CLSTN2: variants seen among roughly 807,000 people sequenced by gnomAD.
CLSTN2 encodes the protein calsyntenin-2.
Under a neutral mutation model 101.2 loss-of-function variants are expected in CLSTN2, and 48 were observed. The ratio of observed to expected loss-of-function variants is 0.47; its 90% confidence interval spans 0.38 to 0.60. CLSTN2 has a LOEUF of 0.60. Among genes scored for constraint, CLSTN2 ranks in the 20% least tolerant of loss-of-function variants. The probability of loss-of-function intolerance (pLI) is 0.00; values close to 1 mark genes in which losing one functional copy is unlikely to be tolerated. For missense variants in CLSTN2, 1,160 were observed against 1,238.2 expected, an observed-to-expected ratio of 0.94 and a Z score of 0.95; for synonymous variants, 481 against 463.6, an observed-to-expected ratio of 1.04 and a Z score of -0.48.
At chr3:140,296,048 T>C (rs1472678454) in intron 2 of CLSTN2, among the ~76,000 whole-genome samples, 2 of 152,228 alleles carry the variant, frequency 1.3e-5, no homozygotes, top group Non-Finnish European at 2.9e-5. Flanking sequence ...ATTTACAATA[T>C]GGCCTTTATA....
At chr3:140,109,377 G>A (rs1432901323) in intron 1 of CLSTN2, among the ~76,000 whole-genome samples, 4 of 152,170 alleles carry the variant, frequency 2.6e-5, no homozygotes, top group Non-Finnish European at 5.9e-5. Context: ...GAGAGACTGT[G>A]TGACTCAACC....
chr3:140,174,444 A>T (rs2010289857), intron 1 of CLSTN2, among the ~76,000 whole-genome samples: 1 of 151,998 alleles, frequency 6.6e-6, no homozygotes, highest in African/African-American at 2.4e-5. Context: ...AACTGTTCCA[A>T]CCTCTGCCTG....
chr3:140,039,277 T>C (rs1432064637), intron 1 of CLSTN2, among the ~76,000 whole-genome samples: 1 of 152,220 alleles, frequency 6.6e-6, no homozygotes, highest in African/African-American at 2.4e-5. Context: ...GTGAAATTTC[T>C]GGGTCCAGGG....
chr3:140,278,747 G>T (rs566241364), intron 2 of CLSTN2, among the ~76,000 whole-genome samples: 6 of 152,162 alleles, frequency 3.9e-5, no homozygotes, highest in Non-Finnish European at 5.9e-5. Context: ...TAGAGACAGG[G>T]TCTCACTCTG....
chr3:140,175,437 G>A (rs1284926346), intron 1 of CLSTN2, among the ~76,000 whole-genome samples: 1 of 152,078 alleles, frequency 6.6e-6, no homozygotes, highest in Non-Finnish European at 1.5e-5. Context: ...ATATGTGTGT[G>A]TATACATGTA....
At chr3:140,068,943 G>A (rs558869754) in intron 1 of CLSTN2, among the ~76,000 whole-genome samples, 7 of 152,258 alleles carry the variant, frequency 4.6e-5, no homozygotes, top group African/African-American at 1.7e-4. Flanking sequence ...ACCACTCTGT[G>A]CTCTTTGATA....
At chr3:140,040,917 G>A (rs1160952673) in intron 1 of CLSTN2, among the ~76,000 whole-genome samples, 1 of 152,074 alleles carries the variant, frequency 6.6e-6, no homozygotes, top group African/African-American at 2.4e-5. Flanking sequence ...CTGGCATGAT[G>A]GGAGGATGAG....
intron 2 of CLSTN2, among the ~76,000 whole-genome samples, chr3:140,208,021 C>A (rs1385224785): frequency 6.6e-6 from 1 of 151,758 alleles, no homozygotes; most frequent in East Asian, 1.9e-4. Flanking sequence ...TAATAGTAAC[C>A]CATTGTCTGC....
intron 4 of CLSTN2, among the ~76,000 whole-genome samples, chr3:140,409,141 T>C (rs565970817): frequency 6.6e-6 from 1 of 152,366 alleles, no homozygotes; most frequent in East Asian, 1.9e-4. Flanking sequence ...CAATTGCACA[T>C]ATGTATACCA....
At chr3:139,951,192 C>A (rs1935288326) in intron 1 of CLSTN2, among the ~76,000 whole-genome samples, 1 of 152,144 alleles carries the variant, frequency 6.6e-6, no homozygotes, top group Admixed American at 6.5e-5. Flanking sequence ...CACCCCTCCA[C>A]CACACATGCA....
At chr3:140,182,909 C>T (rs914685872) in intron 2 of CLSTN2, among the ~76,000 whole-genome samples, 1 of 152,074 alleles carries the variant, frequency 6.6e-6, no homozygotes, top group Admixed American at 6.6e-5. Flanking sequence ...TCTGAGGGCA[C>T]AAAGCCCATG....
At chr3:140,406,570 C>T (rs558547497) in intron 4 of CLSTN2, among the ~76,000 whole-genome samples, 5 of 152,310 alleles carry the variant, frequency 3.3e-5, no homozygotes, top group East Asian at 1.9e-4. Flanking sequence ...AATCGTTCCC[C>T]GATAGTTTCT....
chr3:140,475,287 A>G (rs1933957298), intron 8 of CLSTN2, among the ~76,000 whole-genome samples: 1 of 152,210 alleles, frequency 6.6e-6, no homozygotes, highest in Admixed American at 6.5e-5. Flanking sequence ...GTGTTGCCCA[A>G]TGTTGATGGA....
intron 1 of CLSTN2, among the ~76,000 whole-genome samples, chr3:139,997,063 A>AAG (rs3065259): frequency 3.1e-5 from 3 of 96,682 alleles, no homozygotes; most frequent in South Asian, 3.1e-4. Flanking sequence ...AAAAAAAAAA[A>AAG]AAAGAAAAGG....
intron 2 of CLSTN2, among the ~76,000 whole-genome samples, chr3:140,367,342 G>A (rs963413601): frequency 4.6e-5 from 7 of 151,808 alleles, no homozygotes; most frequent in South Asian, 2.1e-4. Flanking sequence ...GTGTAACCTC[G>A]TCTCTACTAA....
chr3:140,259,410 G>T lies in CLSTN2; in HGVS notation c.232+83337G>T, dbSNP rs780144710. On this transcript the variant is annotated intron_variant, in intron 2 of 16. Transcript: ENST00000458420. ...AATCACTTGAACTCAGGAGGCAGAGGTTGCAATGAGCTGAGATTGCGCCAT... is the reference window on the plus strand; with the variant it reads ...AATCACTTGAACTCAGGAGGCAGAGTTTGCAATGAGCTGAGATTGCGCCAT... Among the ~76,000 whole-genome samples, 33 of 152,024 alleles carry T rather than the reference G, an allele frequency of 2.2e-4. 1 individual carries two copies. The highest frequency in any genetic ancestry group is 4.4e-4 in the Non-Finnish European group (30 of 68,008).
Position 140,556,563 on chromosome 3 carries a change from T to C in CLSTN2, c.1725T>C (p.Ile575=), listed in dbSNP as rs1260882424. Residue 575 remains isoleucine, a synonymous_variant, in exon 11 of 17, where the codon ATT becomes ATC. Coordinates refer to ENST00000458420, the MANE Select transcript of CLSTN2 (RefSeq NM_022131.3). ...QSILVMEGDD[I]GNINRALQKV... is the part of the protein sequence containing the mutation. Reference sequence around the variant, plus strand: ...TCCTGGTGATGGAAGGTGACGACATTGGGAACATTAACCGTGCTCTCCAGA... The same window carrying C: ...TCCTGGTGATGGAAGGTGACGACATCGGGAACATTAACCGTGCTCTCCAGA... The C allele has an allele frequency of 3.1e-6, 5 of 1,614,058 alleles. No homozygotes were observed. Among genetic ancestry groups the C allele is most frequent in the Non-Finnish European group, 4.2e-6 (5 of 1,179,972 alleles).
chr3:140,452,382 C>T (rs1430313505), intron 6 of CLSTN2: 1 of 152,430 alleles, frequency 6.6e-6, no homozygotes, highest in Non-Finnish European at 1.5e-5. Context: ...CCCTTCACCT[C>T]TCCAAACCCT....
chr3:140,055,351 T>C (rs1196529623), intron 1 of CLSTN2, among the ~76,000 whole-genome samples: 1 of 152,240 alleles, frequency 6.6e-6, no homozygotes, highest in Non-Finnish European at 1.5e-5. Flanking sequence ...TATGTTTATC[T>C]TTCCAGATTG....
Sources: allele counts gnomAD v4.1 joint callset (sites outside exome capture counted in the v4.1 genomes callset), GRCh38; gene constraint gnomAD v4.1.1; transcripts MANE v1.5; gene names NCBI Gene and HGNC (gene_info 2026-07-23, HGNC 2026-07-21).